The following REG1B variants were observed in gnomAD, a reference collection of about 807,000 sequenced individuals.
The protein encoded by REG1B is regenerating family member 1 beta, also known as lithostathine-1-beta.
Under a neutral mutation model 20.4 loss-of-function variants are expected in REG1B, and 21 were observed. The observed-to-expected ratio is 1.03, with a 90% confidence interval of 0.73 to 1.48. REG1B has a LOEUF of 1.48. Ranked by LOEUF, REG1B falls within the 40% of genes most tolerant of loss-of-function variation. REG1B has a pLI of 0.00. For missense variants in REG1B, 247 were observed against 197.2 expected (o/e 1.25, Z -1.51); for synonymous variants, 82 against 73.4 (o/e 1.12, Z -0.60).
At chr2:79,085,377 CTTCT>C in intron 5 of REG1B, 94 bp from the exon 6 acceptor site, 1 of 1,332,998 alleles carries the variant, frequency 7.5e-7, no homozygotes, top group Non-Finnish European at 1.1e-6. Context: ...AGAGGAAATA[CTTCT>C]TTATTTTCCA....
rs1280262818 is a variant in REG1B at position 79,085,673 on chromosome 2, C to T, written c.322-70G>A. ...TCAATAGAATAACCAGGCCTGTGTG[C>T]ACACTCAGAAACAGGCCAAGTTATA... On this transcript the variant is annotated intron_variant, in intron 4 of 5. Coordinates refer to ENST00000305089, the MANE Select transcript of REG1B (RefSeq NM_006507.4). 6 of 976,854 alleles carry T rather than the reference C, an allele frequency of 6.1e-6. 1 individual carries two copies. In the East Asian group the frequency reaches 9.7e-5, roughly 16 times the overall value. The allele number at this position is 976,854 out of a possible 1,614,324, so 60.5% of individuals were successfully genotyped here. A position where few individuals can be genotyped will look rare whatever the true frequency, so the allele number is the denominator to read the frequency against.
chr2:79,086,672 A>C, intron 3 of REG1B, 140 bp downstream of exon 3: 1 of 1,315,186 alleles, frequency 7.6e-7, no homozygotes, highest in Non-Finnish European at 1.1e-6. Flanking sequence ...GATGGGATAA[A>C]GTAGATTGGG....
rs749139768 is a variant in REG1B, at chr2:79,085,538, C to T, written c.387G>A (p.Pro129=). Residue 129 remains proline (P), a synonymous_variant, in exon 5 of 6, where the codon CCG becomes CCA. Coordinates refer to ENST00000305089, the MANE Select transcript of REG1B (RefSeq NM_006507.4). ...CACAGTAGCCAGCATTAGCACTGCT[C>T]GGGGATCCAGTGTCCCAGGACTTGT... is the stretch of plus-strand genomic sequence containing the variant. ...VSYKSWDTGS[P]SSANAGYCAS... 48 of 1,613,682 alleles carry T rather than the reference C, an allele frequency of 3.0e-5. No individual in the cohort carries two copies. The highest frequency in any genetic ancestry group is 1.0e-4 in the Admixed American group (6 of 59,944).
In REG1B at chr2:79,087,711, A is replaced by G. The variant is rs1295312550; in HGVS notation, c.-46-53T>C. 7 of 1,143,958 alleles carry G rather than the reference A, an allele frequency of 6.1e-6. No homozygotes were observed. The African/African-American group carries it at 6.2e-5, about 10-fold the overall frequency. The allele number at this position is 1,143,958 out of a possible 1,614,324, so 70.9% of individuals were successfully genotyped here. On this transcript the variant is annotated intron_variant, in intron 1 of 5. Coordinates refer to ENST00000305089, the MANE Select transcript of REG1B (RefSeq NM_006507.4). ...TGAAGAAGAGAGCAGAGCACCTGTTATCTTTCTAACATCCTCTCCTCTCTG... is the reference window on the plus strand; with the variant it reads ...TGAAGAAGAGAGCAGAGCACCTGTTGTCTTTCTAACATCCTCTCCTCTCTG...
In REG1B at chr2:79,085,595, G is replaced by A; in HGVS notation, c.330C>T (p.Arg110=). The change falls in exon 5 of 6, where the codon CGC becomes CGT. Residue 110 remains arginine (R), a synonymous_variant. Coordinates refer to ENST00000305089, the MANE Select transcript of REG1B (RefSeq NM_006507.4). The stretch of plus-strand genomic sequence containing the variant: ...CCAGGGACCCACTACTCCAGTGCCA[G>A]CGGCGGTTCTAGATGGAGAAGGGCC... ...IGLHDPKKNR[R]WHWSSGSLVS... is the part of the protein sequence containing the mutation. 6.2e-7 allele frequency: 1 copy of A among 1,612,026 alleles called. No individual in the cohort carries two copies. The highest frequency in any genetic ancestry group is 1.3e-5 in the African/African-American group (1 of 74,966).
chr2:79,086,367 C>G lies in REG1B; in HGVS notation c.321G>C (p.Lys107Asn). Residue 107 changes from lysine to asparagine, a missense_variant and splice_region_variant, in exon 4 of 6, where the codon AAG becomes AAC. Coordinates refer to ENST00000305089, the MANE Select transcript of REG1B (RefSeq NM_006507.4). The stretch of plus-strand genomic sequence containing the variant: ...GAGATAGAGGTGGCTGCAGACTGAC[C>G]TTTTTTGGGTCATGGAGGCCAATCC... ...NVWIGLHDPK[K>N]NRRWHWSSGS... The G allele has an allele frequency of 6.2e-7, 1 of 1,613,968 alleles. No individual in the cohort carries two copies. Among genetic ancestry groups the G allele is most frequent in the Non-Finnish European group, 8.5e-7 (1 of 1,179,926 alleles).
At chr2:79,086,688 TG>T (rs1672404882) in intron 3 of REG1B, 123 bp downstream of exon 3, 1 of 1,325,830 alleles carries the variant, frequency 7.5e-7, no homozygotes, top group Admixed American at 1.7e-5. Context: ...TTGGGAAGTT[TG>T]GGACCAGTGG....
In REG1B at chr2:79,087,777, C is replaced by T. The variant is rs749799237; in HGVS notation, c.-46-119G>A. 5 of 568,752 alleles carry T rather than the reference C, an allele frequency of 8.8e-6. No homozygotes were observed. The Admixed American group carries it at 1.1e-4, about 12-fold the overall frequency. The allele number at this position is 568,752 out of a possible 1,614,324, so 35.2% of individuals were successfully genotyped here. On this transcript the variant is annotated intron_variant, in intron 1 of 5. Transcript: ENST00000305089. ...AAAGGTCCACTGAGATAGCTACACTCCCAGATATTTCTCTTTTGGTTTGGG... is the reference window on the plus strand; with the variant it reads ...AAAGGTCCACTGAGATAGCTACACTTCCAGATATTTCTCTTTTGGTTTGGG...
At chr2:79,087,518 G>A in intron 2 of REG1B, 31 bp downstream of exon 2, 1 of 1,608,308 alleles carries the variant, frequency 6.2e-7, no homozygotes, top group East Asian at 2.2e-5. Context: ...TTCAGAGTTG[G>A]GGTTGTGGGA....
intron 3 of REG1B, 59 bp downstream of exon 3, chr2:79,086,753 A>T: frequency 6.6e-7 from 1 of 1,514,082 alleles, no homozygotes; most frequent in South Asian, 1.1e-5. Flanking sequence ...ACACACTGCA[A>T]ATTAGCAGCT....
chr2:79,087,200 G>A (rs1672412935), intron 2 of REG1B: 1 of 531,858 alleles, frequency 1.9e-6, no homozygotes, highest in African/African-American at 1.9e-5. Context: ...TAAAGACCCA[G>A]GCTTCCTCCT....
rs1474478620 is a variant in REG1B at position 79,086,474 on chromosome 2, G to A, written c.214C>T (p.Leu72=). The part of the protein sequence containing the change: ...LYCQNMNSGN[L]VSVLTQAEGA... ...TCCGCCTGGGTGAGCACAGACACCA[G>A]GTTGCCTGAATTCATGTTCTGGCAA... is the stretch of plus-strand genomic sequence containing the variant. Residue 72 remains leucine, a synonymous_variant, in exon 4 of 6, where the codon CTG becomes TTG. Coordinates refer to ENST00000305089, the MANE Select transcript of REG1B (RefSeq NM_006507.4). The A allele has an allele frequency of 7.4e-6, 12 of 1,613,974 alleles. No homozygotes were observed. Among genetic ancestry groups the A allele is most frequent in the Middle Eastern group, 1.7e-4 (1 of 5,954 alleles).
chr2:79,085,666 C>T, intron 4 of REG1B, 63 bp from the exon 5 acceptor site: 2 of 1,056,232 alleles, frequency 1.9e-6, no homozygotes, highest in Admixed American at 2.1e-5. Context: ...ATAACCAGGC[C>T]TGTGTGCACA....
chr2:79,085,407 T>C (rs756444676), intron 5 of REG1B, 85 bp downstream of exon 5: 2 of 1,379,606 alleles, frequency 1.4e-6, no homozygotes, highest in Admixed American at 3.6e-5. Context: ...GGAGCTTACC[T>C]TTCCTCTATC....
In REG1B at chr2:79,085,174, T is replaced by C. The variant is rs768261807; in HGVS notation, c.*42A>G. On this transcript the variant is annotated 3_prime_UTR_variant, in exon 6 of 6. Transcript: ENST00000305089. ...TCTAGTTTAATTTTTGACTTCATAGTAATTGCAGGACCAGTTCTAGACATC... is the reference window on the plus strand; with the variant it reads ...TCTAGTTTAATTTTTGACTTCATAGCAATTGCAGGACCAGTTCTAGACATC... 4 of 1,429,354 alleles carry C rather than the reference T, an allele frequency of 2.8e-6. No individual in the cohort carries two copies. The highest frequency in any genetic ancestry group is 2.8e-5 in the African/African-American group (2 of 71,450). 88.5% of individuals were successfully genotyped at this position (1,429,354 alleles called of 1,614,324 possible).
chr2:79,086,535 G>C (rs1353002069), intron 3 of REG1B, 31 bp from the exon 4 acceptor site: 1 of 1,611,044 alleles, frequency 6.2e-7, no homozygotes, highest in African/African-American at 1.3e-5. Flanking sequence ...GCACTCAGTG[G>C]AGAAGGAAGG....
Position 79,087,097 on chromosome 2 carries a change from A to T in REG1B, c.65-167T>A. 2.6e-5 allele frequency: 16 copies of T among 621,646 alleles called. No individual in the cohort carries two copies. The South Asian group carries it at 2.9e-4, about 11-fold the overall frequency. The allele number at this position is 621,646 out of a possible 1,614,324, so 38.5% of individuals were successfully genotyped here. A position where few individuals can be genotyped will look rare whatever the true frequency, so the allele number is the denominator to read the frequency against. Reference sequence around the variant, plus strand: ...CCTGCATCCTATCTCTTTTCTCTCTAGTTTCCTCTGCTCAAGACAAGAGCT... The same window carrying T: ...CCTGCATCCTATCTCTTTTCTCTCTTGTTTCCTCTGCTCAAGACAAGAGCT... On this transcript the variant is annotated intron_variant, in intron 2 of 5. Transcript: ENST00000305089.
rs747802577 is a variant in REG1B at position 79,087,723 on chromosome 2, T to A, written c.-46-65A>T. ...CAGAGCACCTGTTATCTTTCTAACA[T>A]CCTCTCCTCTCTGAATTCCTGTGAG... is the stretch of plus-strand genomic sequence containing the variant. On this transcript the variant is annotated intron_variant, in intron 1 of 5. Coordinates refer to ENST00000305089, the MANE Select transcript of REG1B (RefSeq NM_006507.4). The A allele has an allele frequency of 5.2e-6, 5 of 961,494 alleles. No homozygotes were observed. In the Admixed American group the frequency reaches 7.8e-5, roughly 15 times the overall value. The allele number at this position is 961,494 out of a possible 1,614,324, so 59.6% of individuals were successfully genotyped here.
intron 4 of REG1B, chr2:79,086,003 G>T: frequency 3.4e-6 from 1 of 293,082 alleles, no homozygotes; most frequent in Non-Finnish European, 6.4e-6. Context: ...TGTATAAAAT[G>T]TATAACAAAT....
Sources: allele counts gnomAD v4.1 joint callset, GRCh38; gene constraint gnomAD v4.1.1; transcripts MANE v1.5; gene names NCBI Gene and HGNC (gene_info 2026-07-23, HGNC 2026-07-21).